The following RCAN2 variants were observed in gnomAD, a reference collection of about 807,000 sequenced individuals.
RCAN2 encodes the protein regulator of calcineurin 2, also known as calcipressin-2.
In RCAN2, 9 loss-of-function variants were observed where a neutral mutation model predicts 23.6. The ratio of observed to expected loss-of-function variants is 0.38; its 90% CI spans 0.23 to 0.67. The LOEUF (loss-of-function observed/expected upper bound fraction) is 0.67, where lower values mean the gene tolerates loss of function less well. Among genes scored for constraint, RCAN2 ranks in the 30% least tolerant of loss-of-function variants. The pLI, the probability that RCAN2 is intolerant of heterozygous loss-of-function variation, is 0.51. For synonymous variants in RCAN2, 109 were observed against 115.7 expected, an observed-to-expected ratio of 0.94 and a Z score of 0.37; for missense variants, 273 against 302.3, an observed-to-expected ratio of 0.90 and a Z score of 0.72.
intron 2 of RCAN2, among the ~76,000 whole-genome samples, chr6:46,409,069 T>C (rs560579346): frequency 1.4e-4 from 21 of 152,348 alleles, no homozygotes; most frequent in African/African-American, 4.8e-4. Flanking sequence ...ATAGATTCCA[T>C]ATATACTGAT....
At chr6:46,462,721 A>G (rs1257979533) in intron 1 of RCAN2, among the ~76,000 whole-genome samples, 1 of 152,248 alleles carries the variant, frequency 6.6e-6, no homozygotes, top group Non-Finnish European at 1.5e-5. Flanking sequence ...TTCTTTCCTG[A>G]CAAATGTTTA....
At chr6:46,325,782 T>C (rs1561859913) in intron 2 of RCAN2, 5 of 1,114,992 alleles carry the variant, frequency 4.5e-6, no homozygotes, top group South Asian at 6.8e-5. Flanking sequence ...GTGGAGCAAA[T>C]TGAACATGAT....
At chr6:46,256,761 T>C (rs1180481127) in intron 2 of RCAN2, among the ~76,000 whole-genome samples, 1 of 152,100 alleles carries the variant, frequency 6.6e-6, no homozygotes, top group African/African-American at 2.4e-5. Flanking sequence ...TAAAATAAAG[T>C]AAAATGGAAA....
chr6:46,268,621 C>T (rs1007824985), intron 2 of RCAN2, among the ~76,000 whole-genome samples: 2 of 152,184 alleles, frequency 1.3e-5, no homozygotes, highest in South Asian at 2.1e-4. Flanking sequence ...TGGCCAAATA[C>T]GTGTGTATCA....
At chr6:46,398,498 A>G (rs1766154940) in intron 2 of RCAN2, among the ~76,000 whole-genome samples, 1 of 152,146 alleles carries the variant, frequency 6.6e-6, no homozygotes, top group Admixed American at 6.5e-5. Context: ...TAATATAGAC[A>G]TGTTCTGGAT....
intron 2 of RCAN2, among the ~76,000 whole-genome samples, chr6:46,387,967 G>C (rs1282093354): frequency 6.6e-6 from 1 of 152,070 alleles, no homozygotes; most frequent in Non-Finnish European, 1.5e-5. Flanking sequence ...CATGGATGAA[G>C]CTGGAAACCA....
intron 2 of RCAN2, among the ~76,000 whole-genome samples, chr6:46,376,824 A>G (rs1765477922): frequency 6.6e-6 from 1 of 152,120 alleles, no homozygotes; most frequent in African/African-American, 2.4e-5. Flanking sequence ...TACATCTGTA[A>G]CAGAGGCAAA....
chr6:46,331,792 G>C (rs1355553432), intron 2 of RCAN2, among the ~76,000 whole-genome samples: 1 of 152,182 alleles, frequency 6.6e-6, no homozygotes, highest in Non-Finnish European at 1.5e-5. Context: ...CATATGCCAT[G>C]AGTTCAGATT....
At chr6:46,437,542 T>C (rs1175232141) in intron 2 of RCAN2, among the ~76,000 whole-genome samples, 1 of 152,232 alleles carries the variant, frequency 6.6e-6, no homozygotes, top group Non-Finnish European at 1.5e-5. Context: ...CTTCAAACTT[T>C]GTTGTTGTTA....
intron 2 of RCAN2, among the ~76,000 whole-genome samples, chr6:46,330,644 G>A (rs1220039715): frequency 6.6e-6 from 1 of 152,056 alleles, no homozygotes; most frequent in South Asian, 2.1e-4. Flanking sequence ...GCATCCTGGT[G>A]TTCCTTCTCT....
At chr6:46,355,195 T>C (rs1342223509) in intron 2 of RCAN2, among the ~76,000 whole-genome samples, 1 of 152,192 alleles carries the variant, frequency 6.6e-6, no homozygotes, top group Non-Finnish European at 1.5e-5. Flanking sequence ...ATTTTTAAAG[T>C]AAACTTCTTA....
Position 46,243,768 on chromosome 6 carries a change from C to T in RCAN2, c.571+2980G>A, listed in dbSNP as rs139330094. 5.2e-5 allele frequency among the ~76,000 whole-genome samples: 7 copies of T among 133,968 alleles called. No homozygotes were observed. The East Asian group carries it at 1.5e-3, about 29-fold the overall frequency. 87.9% of individuals were successfully genotyped at this position (133,968 alleles called of 152,430 possible). ...GAGGTTGCAGTCAGCCGATATTGTG[C>T]CACTGCACTCCAGCCTGGGTGACAG... is the stretch of plus-strand genomic sequence containing the variant. On this transcript the variant is annotated intron_variant, in intron 4 of 4. Coordinates refer to ENST00000371374, the MANE Select transcript of RCAN2 (RefSeq NM_001251974.2).
At chr6:46,463,024 G>A (rs796463751) in intron 1 of RCAN2, among the ~76,000 whole-genome samples, 7 of 152,270 alleles carry the variant, frequency 4.6e-5, no homozygotes, top group African/African-American at 1.7e-4. Context: ...AACATTCATG[G>A]AGATGCTTAT....
chr6:46,458,187 A>ACCACTTAC (rs1477865639), intron 1 of RCAN2, among the ~76,000 whole-genome samples: 1 of 152,238 alleles, frequency 6.6e-6, no homozygotes, highest in Non-Finnish European at 1.5e-5. Flanking sequence ...AAAGGTGGGT[A>ACCACTTAC]CCACTAAACA....
chr6:46,478,137 C>G (rs1287794050), intron 1 of RCAN2, among the ~76,000 whole-genome samples: 1 of 152,198 alleles, frequency 6.6e-6, no homozygotes, highest in Non-Finnish European at 1.5e-5. Context: ...CTGGCAGCAA[C>G]TCCAGTGATC....
intron 2 of RCAN2, among the ~76,000 whole-genome samples, chr6:46,334,393 C>T (rs1016147971): frequency 6.6e-6 from 1 of 152,122 alleles, no homozygotes; most frequent in African/African-American, 2.4e-5. Context: ...TGAATGAATA[C>T]ATGAATGAAT....
chr6:46,278,600 C>T (rs1767791672), intron 2 of RCAN2, among the ~76,000 whole-genome samples: 2 of 152,036 alleles, frequency 1.3e-5, no homozygotes, highest in East Asian at 1.9e-4. Flanking sequence ...GCCAATTGTC[C>T]CATTAGTGTT....
intron 2 of RCAN2, among the ~76,000 whole-genome samples, chr6:46,420,646 T>C (rs530505111): frequency 3.3e-5 from 5 of 151,448 alleles, no homozygotes; most frequent in Non-Finnish European, 7.4e-5. Context: ...TGGGTTCAAG[T>C]GATTCTCCTG....
intron 2 of RCAN2, among the ~76,000 whole-genome samples, chr6:46,406,920 T>C (rs1331949654): frequency 6.6e-6 from 1 of 152,234 alleles, no homozygotes; most frequent in Non-Finnish European, 1.5e-5. Flanking sequence ...TACACAATTA[T>C]GTGCTGGGCG....
Sources: gnomAD v4.1 joint callset for allele counts (sites outside exome capture counted in the v4.1 genomes callset) on GRCh38, gnomAD v4.1.1 for gene constraint, MANE v1.5 for transcripts, NCBI Gene and HGNC (gene_info 2026-07-23, HGNC 2026-07-21) for gene names.